The following GPATCH8 variants were observed in gnomAD, a reference collection of about 807,000 sequenced individuals.
The protein encoded by GPATCH8 is G patch domain-containing protein 8.
In GPATCH8, 18 loss-of-function variants were observed where a neutral mutation model predicts 118.3. The ratio of observed to expected loss-of-function variants is 0.15; its 90% CI spans 0.11 to 0.23. GPATCH8 has a LOEUF of 0.23. Ranked by LOEUF, GPATCH8 falls within the 10% of genes least tolerant of loss-of-function variation. The probability of loss-of-function intolerance (pLI) is 1.00; values close to 1 mark genes in which losing one functional copy is unlikely to be tolerated. For synonymous variants in GPATCH8, 659 were observed against 684.7 expected (o/e 0.96, Z 0.59); for missense variants, 1,631 against 1,873.8 (o/e 0.87, Z 2.39).
chr17:44,447,648 T>C (rs537086427), intron 3 of GPATCH8, among the ~76,000 whole-genome samples: 355 of 151,004 alleles, frequency 2.4e-3, no homozygotes, highest in African/African-American at 8.5e-3. Flanking sequence ...AGACAGGTTC[T>C]AGCTCTATGG....
chr17:44,419,675 T>C (rs1177055394), intron 6 of GPATCH8, among the ~76,000 whole-genome samples: 1 of 150,978 alleles, frequency 6.6e-6, no homozygotes, highest in African/African-American at 2.4e-5. Flanking sequence ...TTTTTTTTTT[T>C]AGAGAGACAG....
chr17:44,471,049 TCA>T (rs1967241183), intron 2 of GPATCH8, among the ~76,000 whole-genome samples: 1 of 152,246 alleles, frequency 6.6e-6, no homozygotes, highest in Non-Finnish European at 1.5e-5. Flanking sequence ...GATAAAATGT[TCA>T]CACTTTTCAA....
intron 3 of GPATCH8, among the ~76,000 whole-genome samples, chr17:44,437,878 G>T (rs1160798616): frequency 7.5e-6 from 1 of 134,010 alleles, no homozygotes; most frequent in Non-Finnish European, 1.6e-5. Context: ...GGGAGAATTA[G>T]AATTATCACA....
At position 44,398,959 on chromosome 17, in the gene GPATCH8, G is replaced by A. The variant is rs567613406; in HGVS notation, c.3118C>T (p.Arg1040Ter). The A allele has an allele frequency of 6.2e-7, 1 of 1,614,100 alleles. No individual in the cohort carries two copies. ...CCAGGACCTTCTCCCCGGCCTGATC[G>A]GAAATAGTGGGGGGACTGGGAGCGG... is the stretch of plus-strand genomic sequence containing the variant. The part of the protein sequence containing the change: ...IYRSQSPHYF[R>*]SGRGEGPGKK... The change falls in exon 8 of 8, where the codon CGA (arginine) becomes TGA (stop). Residue 1040 changes from arginine (R) to a stop codon, truncating the protein, a stop_gained. Coordinates refer to ENST00000591680, the MANE Select transcript of GPATCH8 (RefSeq NM_001002909.4). LOFTEE classifies it high-confidence loss of function.
At position 44,401,229 on chromosome 17, in the gene GPATCH8, A is replaced by T; in HGVS notation, c.848T>A (p.Ile283Asn). The T allele has an allele frequency of 6.2e-7, 1 of 1,613,632 alleles. No homozygotes were observed. The highest frequency in any genetic ancestry group is 8.5e-7 in the Non-Finnish European group (1 of 1,179,538). The change falls in exon 8 of 8, where the codon ATC becomes AAC. Residue 283 changes from isoleucine (I) to asparagine (N), a missense_variant. Ile to Asn is a moderately radical substitution (Grantham distance 149). Transcript: ENST00000591680. Reference protein sequence around the residue: ...AQAPGLASQGISFGIKNNLGT... With the variant: ...AQAPGLASQGNSFGIKNNLGT... The stretch of plus-strand genomic sequence containing the variant: ...CAGATTATTCTTAATGCCAAAGCTG[A>T]TGCCTTGGGAGGCTAACCCAGGAGC...
At chr17:44,502,340 T>A (rs1970132803) in intron 1 of GPATCH8, among the ~76,000 whole-genome samples, 1 of 142,086 alleles carries the variant, frequency 7.0e-6, no homozygotes, top group African/African-American at 2.6e-5. Flanking sequence ...GTTGCCAGGA[T>A]ATGCGGTAGT....
chr17:44,402,667 T>A (rs972021149), intron 7 of GPATCH8, among the ~76,000 whole-genome samples: 4 of 152,180 alleles, frequency 2.6e-5, no homozygotes, highest in Non-Finnish European at 4.4e-5. Context: ...TTTCATTTTT[T>A]AAAAATTTGC....
chr17:44,485,316 T>C (rs182600768), intron 1 of GPATCH8, among the ~76,000 whole-genome samples: 18 of 152,294 alleles, frequency 1.2e-4, no homozygotes, highest in East Asian at 1.9e-4. Context: ...AGTCTTGCCA[T>C]GTTCCCAGCA....
Position 44,397,572 on chromosome 17 carries a change from G to A in GPATCH8, c.4505C>T (p.Thr1502Met), listed in dbSNP as rs761075475. ...CCTAGGATCCCATCCCCCAACTCAC[G>A]TGCCATGGCTGGGGGGATGTTGCAG... ...QDLQHPPSHG[T>M] Residue 1502 changes from threonine (T) to methionine (M), a missense_variant, in exon 8 of 8, where the codon ACG (threonine) becomes ATG (methionine). Physicochemically the swap from Thr to Met is moderately conservative, Grantham distance 81. Coordinates refer to ENST00000591680, the MANE Select transcript of GPATCH8 (RefSeq NM_001002909.4). 12 of 1,610,462 alleles carry A rather than the reference G, an allele frequency of 7.5e-6. No individual in the cohort carries two copies. The highest frequency in any genetic ancestry group is 4.0e-5 in the African/African-American group (3 of 74,842).
chr17:44,397,704 G>A lies in GPATCH8; in HGVS notation c.4373C>T (p.Pro1458Leu), dbSNP rs747398291. Residue 1458 changes from proline to leucine, a missense_variant, in exon 8 of 8, where the codon CCA becomes CTA. Physicochemically the swap from Pro to Leu is moderately conservative, Grantham distance 98. This residue lies in a region of GPATCH8 where 65 missense variants were observed against 105.3 expected (regional missense o/e 0.62). Coordinates refer to ENST00000591680, the MANE Select transcript of GPATCH8 (RefSeq NM_001002909.4). The part of the protein sequence containing the change: ...HPGPFTFHPV[P>L]HAALYPTLLA... Reference sequence around the variant, plus strand: ...TAGGGTGGGGTAGAGGGCAGCATGTGGGACAGGGTGAAAGGTGAAGGGCCC... The same window carrying A: ...TAGGGTGGGGTAGAGGGCAGCATGTAGGACAGGGTGAAAGGTGAAGGGCCC... The A allele has an allele frequency of 6.2e-7, 1 of 1,610,170 alleles. No homozygotes were observed. The highest frequency in any genetic ancestry group is 8.5e-7 in the Non-Finnish European group (1 of 1,177,560).
intron 3 of GPATCH8, among the ~76,000 whole-genome samples, chr17:44,455,304 C>T (rs969840105): frequency 1.3e-5 from 2 of 152,130 alleles, no homozygotes; most frequent in Admixed American, 1.3e-4. Flanking sequence ...GAGTTCGAGA[C>T]CAGCCTGACC....
intron 1 of GPATCH8, among the ~76,000 whole-genome samples, chr17:44,476,076 G>A (rs1164727840): frequency 1.3e-5 from 2 of 152,104 alleles, no homozygotes; most frequent in Non-Finnish European, 2.9e-5. Flanking sequence ...CTAGTAATCT[G>A]AACTTTTAGT....
rs2049004010 is a variant in GPATCH8, at chr17:44,401,101, C to A, written c.976G>T (p.Gly326Trp). The change falls in exon 8 of 8, where the codon GGG (glycine) becomes TGG (tryptophan). Residue 326 changes from glycine (G) to tryptophan (W), a missense_variant. Gly to Trp is a radical substitution (Grantham distance 184). This residue lies in a region of GPATCH8 where 405 missense variants were observed against 462.7 expected (regional missense o/e 0.88). Coordinates refer to ENST00000591680, the MANE Select transcript of GPATCH8 (RefSeq NM_001002909.4). ...ASVFKDHAEE[G>W]TSEDGTKPDE... is the part of the protein sequence containing the mutation. ...GGTTTTGTTCCATCTTCAGAGGTCC[C>A]TTCCTCCGCATGGTCCTTGAAAACT... 1 of 1,614,068 alleles carries A rather than the reference C, an allele frequency of 6.2e-7. No individual in the cohort carries two copies. Among genetic ancestry groups the A allele is most frequent in the Admixed American group, 1.7e-5 (1 of 60,006 alleles).
intron 1 of GPATCH8, among the ~76,000 whole-genome samples, chr17:44,488,817 T>G (rs1370114613): frequency 6.6e-6 from 1 of 151,676 alleles, no homozygotes; most frequent in Non-Finnish European, 1.5e-5. Flanking sequence ...CCAGGCACGG[T>G]GGCTCATGCC....
intron 6 of GPATCH8, among the ~76,000 whole-genome samples, chr17:44,416,143 A>C (rs191939469): frequency 6.6e-6 from 1 of 152,282 alleles, no homozygotes. Context: ...CTAGGATTAC[A>C]GGCGTGTGCC....
intron 5 of GPATCH8, among the ~76,000 whole-genome samples, chr17:44,431,971 T>G (rs2143996006): frequency 6.6e-6 from 1 of 151,232 alleles, no homozygotes; most frequent in Non-Finnish European, 1.5e-5. Context: ...GCAGTCAGAG[T>G]AGTGACTAAG....
intron 5 of GPATCH8, 33 bp downstream of exon 5, chr17:44,435,032 C>T (rs374308395): frequency 2.2e-6 from 2 of 892,282 alleles, no homozygotes; most frequent in Admixed American, 1.7e-5. Flanking sequence ...TGAGCACCTC[C>T]CCATCTCCCA....
intron 1 of GPATCH8, among the ~76,000 whole-genome samples, chr17:44,484,823 G>A (rs1968646826): frequency 6.6e-6 from 1 of 152,054 alleles, no homozygotes; most frequent in African/African-American, 2.4e-5. Context: ...GATGTGTCCT[G>A]CAGCATAGTG....
intron 6 of GPATCH8, among the ~76,000 whole-genome samples, chr17:44,412,215 G>A (rs930158795): frequency 2.0e-5 from 3 of 151,592 alleles, no homozygotes; most frequent in Non-Finnish European, 4.4e-5. Context: ...GAACCACCAC[G>A]CACGGCCAAA....
Sources: gnomAD v4.1 joint callset for allele counts (sites outside exome capture counted in the v4.1 genomes callset) on GRCh38, gnomAD v4.1.1 for gene constraint, gnomAD v4.1.1 regional missense constraint, MANE v1.5 for transcripts, NCBI Gene and HGNC (gene_info 2026-07-23, HGNC 2026-07-21) for gene names.